KLHL29: variants seen among roughly 807,000 people sequenced by gnomAD.
KLHL29 encodes kelch like family member 29, also known as kelch-like protein 29.
KLHL29 carries 21 observed loss-of-function variants against 80.4 expected under a neutral mutation model. That is an observed-to-expected ratio of 0.26 (90% CI 0.19 to 0.38). The LOEUF (loss-of-function observed/expected upper bound fraction) is 0.38, where lower values mean the gene tolerates loss of function less well. Among genes scored for constraint, KLHL29 ranks in the 10% least tolerant of loss-of-function variants. The probability of loss-of-function intolerance (pLI) is 1.00; values close to 1 mark genes in which losing one functional copy is unlikely to be tolerated. For synonymous variants in KLHL29, 511 were observed against 526.8 expected (o/e 0.97, Z 0.41); for missense variants, 867 against 1,223.9 (o/e 0.71, Z 4.35).
intron 1 of KLHL29, among the ~76,000 whole-genome samples, chr2:23,397,153 C>T (rs998908268): frequency 6.6e-6 from 1 of 152,186 alleles, no homozygotes; most frequent in Non-Finnish European, 1.5e-5. Context: ...CGTGGAGAAC[C>T]TCGTCAGGAG....
chr2:23,390,391 G>A (rs1044017015), intron 1 of KLHL29, among the ~76,000 whole-genome samples: 1 of 152,110 alleles, frequency 6.6e-6, no homozygotes, highest in Non-Finnish European at 1.5e-5. Flanking sequence ...GGGATCTAGC[G>A]TGCGCAAAGA....
chr2:23,387,507 A>T (rs7589523), intron 1 of KLHL29, among the ~76,000 whole-genome samples: 80 of 6,666 alleles, frequency 0.012, no homozygotes, highest in African/African-American at 0.02. Flanking sequence ...TTCCTGATTT[A>T]TTATTATTAT....
intron 1 of KLHL29, among the ~76,000 whole-genome samples, chr2:23,413,623 C>G (rs1666916712): frequency 6.6e-6 from 1 of 152,184 alleles, no homozygotes; most frequent in Non-Finnish European, 1.5e-5. Flanking sequence ...AAAGAACAAC[C>G]TGCTCCCCAC....
At chr2:23,556,301 G>A (rs537176903) in intron 2 of KLHL29, among the ~76,000 whole-genome samples, 6 of 152,210 alleles carry the variant, frequency 3.9e-5, no homozygotes, top group South Asian at 2.1e-4. Flanking sequence ...CCCCCCTCGC[G>A]GAGGCGCAGG....
At chr2:23,454,162 G>A (rs1219436333) in intron 1 of KLHL29, among the ~76,000 whole-genome samples, 1 of 152,178 alleles carries the variant, frequency 6.6e-6, no homozygotes, top group African/African-American at 2.4e-5. Flanking sequence ...ATTCGATTGA[G>A]TCAGTTCTTC....
chr2:23,675,299 A>G (rs114529906), intron 5 of KLHL29, among the ~76,000 whole-genome samples: 5,392 of 151,736 alleles, frequency 0.036, 115 homozygotes, highest in South Asian at 0.091. Flanking sequence ...CAGCCATGGA[A>G]TTTGCCCATG....
chr2:23,653,333 G>C (rs1670137329), intron 5 of KLHL29, among the ~76,000 whole-genome samples: 1 of 152,220 alleles, frequency 6.6e-6, no homozygotes, highest in Non-Finnish European at 1.5e-5. Context: ...TTTGCTGCTA[G>C]GAGTTGTCCA....
At chr2:23,500,969 G>A (rs1031289631) in intron 2 of KLHL29, among the ~76,000 whole-genome samples, 10 of 152,116 alleles carry the variant, frequency 6.6e-5, no homozygotes, top group African/African-American at 1.7e-4. Context: ...GTTTGTCTGC[G>A]GCGGAGCATC....
chr2:23,433,130 T>G (rs1663232100), intron 1 of KLHL29, among the ~76,000 whole-genome samples: 1 of 152,220 alleles, frequency 6.6e-6, no homozygotes, highest in South Asian at 2.1e-4. Flanking sequence ...CAGAGCACCC[T>G]TGGGTCAGCG....
chr2:23,544,151 A>C (rs1666922609), intron 2 of KLHL29, among the ~76,000 whole-genome samples: 1 of 152,206 alleles, frequency 6.6e-6, no homozygotes, highest in Admixed American at 6.5e-5. Flanking sequence ...AGGGAAGAAC[A>C]GGCCTGAGTC....
intron 3 of KLHL29, among the ~76,000 whole-genome samples, chr2:23,638,300 A>G (rs769399120): frequency 6.6e-6 from 1 of 152,136 alleles, no homozygotes; most frequent in South Asian, 2.1e-4. Flanking sequence ...GCATTTTGTC[A>G]TCAAGAATTC....
intron 1 of KLHL29, among the ~76,000 whole-genome samples, chr2:23,438,700 G>A (rs1404683769): frequency 4.0e-5 from 6 of 149,730 alleles, no homozygotes; most frequent in Non-Finnish European, 7.4e-5. Flanking sequence ...ATGTGCTGCT[G>A]GATTTGGTTT....
intron 2 of KLHL29, among the ~76,000 whole-genome samples, chr2:23,487,767 G>T (rs780971065): frequency 6.6e-6 from 1 of 152,172 alleles, no homozygotes; most frequent in Non-Finnish European, 1.5e-5. Context: ...AGTCATGAAG[G>T]TCCCTGTTTT....
At chr2:23,657,305 G>A (rs1670274214) in intron 5 of KLHL29, among the ~76,000 whole-genome samples, 1 of 152,186 alleles carries the variant, frequency 6.6e-6, no homozygotes, top group African/African-American at 2.4e-5. Flanking sequence ...GCGTATTCAA[G>A]GCTCTCAGAA....
chr2:23,550,100 C>T (rs114835550), intron 2 of KLHL29, among the ~76,000 whole-genome samples: 5,756 of 152,158 alleles, frequency 0.038, 122 homozygotes, highest in Middle Eastern at 0.065. Flanking sequence ...CCTGAACAGC[C>T]CTCCCTCCCT....
chr2:23,594,201 C>T (rs1668339412), intron 3 of KLHL29, among the ~76,000 whole-genome samples: 1 of 152,162 alleles, frequency 6.6e-6, no homozygotes, highest in Non-Finnish European at 1.5e-5. Context: ...ACCAGACCGG[C>T]CTTATTTGGG....
In KLHL29 at chr2:23,647,264, C is replaced by A. The variant is rs1377306575; in HGVS notation, c.940+4414C>A. ...TCTGACATGTCCAGGGCACATTGTT[C>A]CTTCCACAGCCTCCATAAATATTCT... On this transcript the variant is annotated intron_variant, in intron 5 of 13. Coordinates refer to ENST00000486442, the MANE Select transcript of KLHL29 (RefSeq NM_052920.2). This position sits in a 1 kb window ranked among gnomAD's most constrained non-coding sequence, Gnocchi z 4.9. Among the ~76,000 whole-genome samples, 2 of 152,204 alleles carry A rather than the reference C, an allele frequency of 1.3e-5. No homozygotes were observed. The highest frequency in any genetic ancestry group is 4.8e-5 in the African/African-American group (2 of 41,458).
intron 3 of KLHL29, among the ~76,000 whole-genome samples, chr2:23,575,838 C>G (rs754645081): frequency 4.6e-5 from 7 of 152,132 alleles, no homozygotes; most frequent in Non-Finnish European, 1.0e-4. Flanking sequence ...CCACTCCACC[C>G]GGCGCAGGAA....
At chr2:23,654,702 G>GGGGGC (rs1553350646) in intron 5 of KLHL29, among the ~76,000 whole-genome samples, 1 of 114,692 alleles carries the variant, frequency 8.7e-6, no homozygotes, top group Admixed American at 9.2e-5. Context: ...AGGTTGGGGG[G>GGGGGC]GGGGGGTGGA....
Sources: allele counts gnomAD v4.1 joint callset (sites outside exome capture counted in the v4.1 genomes callset), GRCh38; gene constraint gnomAD v4.1.1; non-coding constraint Gnocchi (gnomAD v3.1); transcripts MANE v1.5; gene names NCBI Gene and HGNC (gene_info 2026-07-23, HGNC 2026-07-21).